The following MYLK variants were observed in gnomAD, a reference collection of about 807,000 sequenced individuals.
MYLK encodes myosin light chain kinase, smooth muscle.
In MYLK, 106 loss-of-function variants were observed where a neutral mutation model predicts 203.4. The observed-to-expected ratio is 0.52, with a 90% CI of 0.45 to 0.61. The LOEUF (loss-of-function observed/expected upper bound fraction) is 0.61, where lower values mean the gene tolerates loss of function less well. Among genes scored for constraint, MYLK ranks in the 20% least tolerant of loss-of-function variants. MYLK has a pLI of 0.00. For synonymous variants in MYLK, 867 were observed against 959.5 expected, an observed-to-expected ratio of 0.90 and a Z score of 1.78; for missense variants, 2,072 against 2,442.3, an observed-to-expected ratio of 0.85 and a Z score of 3.20.
chr3:123,701,011 A>T lies in MYLK; in HGVS notation c.2463-6T>A. The stretch of plus-strand genomic sequence containing the variant: ...AGCTGGCAGGCTCCCTCCCCCTGCA[A>T]CCAGTGTAGGGAAAAAGGAAAGTAG... On this transcript the variant is annotated splice_region_variant and splice_polypyrimidine_tract_variant and intron_variant, in intron 17 of 33. Transcript: ENST00000360304. 6.2e-7 allele frequency: 1 copy of T among 1,601,592 alleles called. No homozygotes were observed. Among genetic ancestry groups the T allele is most frequent in the Non-Finnish European group, 8.5e-7 (1 of 1,179,590 alleles).
intron 20 of MYLK, among the ~76,000 whole-genome samples, chr3:123,671,439 G>C (rs1262061223): frequency 6.6e-6 from 1 of 152,210 alleles, no homozygotes. Flanking sequence ...CGAGACACAG[G>C]AGAGGGCTGT....
intron 7 of MYLK, among the ~76,000 whole-genome samples, chr3:123,737,811 A>G (rs886652425): frequency 6.6e-6 from 1 of 152,128 alleles, no homozygotes; most frequent in African/African-American, 2.4e-5. Context: ...GAGGTAGGAA[A>G]TCCCATATTC....
intron 27 of MYLK, among the ~76,000 whole-genome samples, chr3:123,644,326 T>G (rs918442739): frequency 6.6e-6 from 1 of 152,206 alleles, no homozygotes; most frequent in East Asian, 1.9e-4. Flanking sequence ...TTTGGTTGAC[T>G]GAGTTCTTAC....
intron 4 of MYLK, among the ~76,000 whole-genome samples, chr3:123,766,827 G>A (rs1277328516): frequency 6.6e-6 from 1 of 152,190 alleles, no homozygotes; most frequent in Non-Finnish European, 1.5e-5. Context: ...ATGGCCCAGG[G>A]GTTGCAGAAA....
At chr3:123,736,279 A>G (rs2062670418) in intron 8 of MYLK, among the ~76,000 whole-genome samples, 1 of 152,174 alleles carries the variant, frequency 6.6e-6, no homozygotes, top group African/African-American at 2.4e-5. Context: ...TGTGAAATAT[A>G]TTTCTTTCTG....
chr3:123,775,668 T>C (rs760683537), intron 4 of MYLK, among the ~76,000 whole-genome samples: 1 of 152,112 alleles, frequency 6.6e-6, no homozygotes, highest in Non-Finnish European at 1.5e-5. Context: ...TTAATGACTA[T>C]GTGGGCCAGG....
At chr3:123,685,627 A>G (rs956582266) in intron 19 of MYLK, among the ~76,000 whole-genome samples, 20 of 151,830 alleles carry the variant, frequency 1.3e-4, no homozygotes, top group South Asian at 2.1e-4. Flanking sequence ...AAAAAAAAAA[A>G]AAAAGAAAAT....
At chr3:123,627,450 A>G (rs1480905198) in intron 30 of MYLK, among the ~76,000 whole-genome samples, 1 of 152,248 alleles carries the variant, frequency 6.6e-6, no homozygotes, top group Non-Finnish European at 1.5e-5. Flanking sequence ...TTACAACTCA[A>G]AGAAGTAGGT....
At chr3:123,807,166 C>T (rs1329783321) in intron 3 of MYLK, among the ~76,000 whole-genome samples, 1 of 152,130 alleles carries the variant, frequency 6.6e-6, no homozygotes, top group African/African-American at 2.4e-5. Flanking sequence ...TGGTGGCTCA[C>T]ACCTGTAATC....
chr3:123,734,399 C>A, intron 9 of MYLK, 177 bp from the exon 10 acceptor site: 1 of 596,878 alleles, frequency 1.7e-6, no homozygotes, highest in Non-Finnish European at 2.8e-6. Context: ...TCCCAAGCCA[C>A]AGCACAAGCA....
intron 16 of MYLK, 107 bp from the exon 17 acceptor site, chr3:123,701,616 G>T: frequency 1.7e-6 from 2 of 1,152,596 alleles, no homozygotes; most frequent in Non-Finnish European, 2.6e-6. Flanking sequence ...GATGGAAGTC[G>T]CCGGCTTGAC....
chr3:123,764,840 G>T (rs6770984), intron 4 of MYLK, among the ~76,000 whole-genome samples: 9,427 of 152,136 alleles, frequency 0.062, 942 homozygotes, highest in African/African-American at 0.21. Flanking sequence ...TCTTCCAATT[G>T]CTTCATCATT....
intron 5 of MYLK, among the ~76,000 whole-genome samples, chr3:123,741,354 T>C (rs2062850475): frequency 6.6e-6 from 1 of 152,250 alleles, no homozygotes; most frequent in Admixed American, 6.5e-5. Context: ...TAATTGGTGA[T>C]TACGATACAG....
chr3:123,718,196 T>C lies in MYLK; in HGVS notation c.1804+3932A>G, dbSNP rs573867637. Among the ~76,000 whole-genome samples the C allele has an allele frequency of 2.0e-5, 3 of 152,284 alleles. No individual in the cohort carries two copies. The East Asian group carries it at 5.8e-4, about 29-fold the overall frequency. On this transcript the variant is annotated intron_variant, in intron 13 of 33. Coordinates refer to ENST00000360304, the MANE Select transcript of MYLK (RefSeq NM_053025.4). ...GACTCTTGAAGGTAATTTGCAGATT[T>C]CCTGCACACCCTAATGGGCACTGAG...
chr3:123,818,138 A>G (rs2065808425), intron 3 of MYLK, among the ~76,000 whole-genome samples: 1 of 152,178 alleles, frequency 6.6e-6, no homozygotes, highest in African/African-American at 2.4e-5. Flanking sequence ...GTATTATTCA[A>G]GAAATGATTT....
At chr3:123,787,564 C>T (rs1384601733) in intron 4 of MYLK, among the ~76,000 whole-genome samples, 3 of 152,150 alleles carry the variant, frequency 2.0e-5, no homozygotes, top group South Asian at 2.1e-4. Flanking sequence ...AAACGGTCAT[C>T]GCGTTCAAGG....
intron 27 of MYLK, among the ~76,000 whole-genome samples, chr3:123,641,234 G>T (rs1001678221): frequency 6.6e-6 from 1 of 152,174 alleles, no homozygotes; most frequent in African/African-American, 2.4e-5. Flanking sequence ...GCTAGGGACT[G>T]CCCCGGGGTC....
intron 2 of MYLK, among the ~76,000 whole-genome samples, chr3:123,848,291 A>T: frequency 6.8e-6 from 1 of 146,718 alleles, no homozygotes; most frequent in Non-Finnish European, 1.5e-5. Context: ...TATCTATATC[A>T]CTTTTTTAAT....
rs530187764 is a variant in MYLK at position 123,733,077 on chromosome 3, C to T, written c.1335G>A (p.Val445=). ...CGGGGGTGCCTTCCAGGAACCAGGCCACTTCAGGCTTTGGAATCCCGGAAA... is the reference window on the plus strand; with the variant it reads ...CGGGGGTGCCTTCCAGGAACCAGGCTACTTCAGGCTTTGGAATCCCGGAAA... ...CEVSGIPKPE[V]AWFLEGTPVR... The change falls in exon 11 of 34, where the codon GTG becomes GTA. Residue 445 remains valine, a synonymous_variant. Coordinates refer to ENST00000360304, the MANE Select transcript of MYLK (RefSeq NM_053025.4). 14 of 1,614,012 alleles carry T rather than the reference C, an allele frequency of 8.7e-6. No individual in the cohort carries two copies. The African/African-American group carries it at 1.5e-4, about 17-fold the overall frequency.
Sources: allele counts gnomAD v4.1 joint callset (sites outside exome capture counted in the v4.1 genomes callset), GRCh38; gene constraint gnomAD v4.1.1; transcripts MANE v1.5; gene names NCBI Gene and HGNC (gene_info 2026-07-23, HGNC 2026-07-21).